The following GRM8 variants were observed in gnomAD, a reference collection of about 807,000 sequenced individuals.
The protein encoded by GRM8 is metabotropic glutamate receptor 8.
In GRM8, 47 loss-of-function variants were observed where a neutral mutation model predicts 87.2. That is an observed-to-expected ratio of 0.54 (90% CI 0.43 to 0.69). The LOEUF is 0.69. GRM8 is among the 30% of genes least tolerant of loss of function. The probability of loss-of-function intolerance (pLI) is 0.00; values close to 1 mark genes in which losing one functional copy is unlikely to be tolerated. For synonymous variants in GRM8, 396 were observed against 404.5 expected (o/e 0.98, Z 0.25); for missense variants, 1,019 against 1,139.2 (o/e 0.89, Z 1.52).
intron 9 of GRM8, among the ~76,000 whole-genome samples, chr7:126,496,486 A>G (rs1038535806): frequency 7.2e-5 from 11 of 151,962 alleles, no homozygotes; most frequent in Non-Finnish European, 1.2e-4. Flanking sequence ...GATTTTTTTG[A>G]GCCAAAGGTT....
Position 127,057,009 on chromosome 7 carries a change from G to C in GRM8, c.727+49487C>G, listed in dbSNP as rs538357767. The stretch of plus-strand genomic sequence containing the variant: ...ACTTCAGACTTTTCCAGTATTCTCT[G>C]GATTGTGAACTGACAAAGCTACATA... On this transcript the variant is annotated intron_variant, in intron 3 of 10. Transcript: ENST00000339582. Among the ~76,000 whole-genome samples the C allele has an allele frequency of 2.5e-3, 382 of 152,096 alleles. 4 individuals are homozygous for C. Among genetic ancestry groups the C allele is most frequent in the African/African-American group, 8.9e-3 (368 of 41,478 alleles).
rs947276833 is a variant in GRM8, at chr7:126,547,420, G to C, written c.1495-13533C>G. 2.6e-5 allele frequency among the ~76,000 whole-genome samples: 4 copies of C among 151,536 alleles called. No homozygotes were observed. In the East Asian group the frequency reaches 7.7e-4, roughly 29 times the overall value. On this transcript the variant is annotated intron_variant, in intron 8 of 10. Transcript: ENST00000339582. ...AAATTTCTATTAAAAAATTCAGAAA[G>C]CATAAAAGAATAAATTAACTATAAT...
intron 9 of GRM8, among the ~76,000 whole-genome samples, chr7:126,473,114 G>A (rs1273766680): frequency 1.3e-5 from 2 of 152,166 alleles, no homozygotes; most frequent in Admixed American, 6.5e-5. Context: ...CCCCACTGGG[G>A]CACTGCCTAG....
intron 2 of GRM8, among the ~76,000 whole-genome samples, chr7:127,121,620 C>G (rs1304509222): frequency 6.6e-6 from 1 of 152,052 alleles, no homozygotes; most frequent in African/African-American, 2.4e-5. Context: ...GCAGGCTGTA[C>G]AGGAAGGATG....
intron 2 of GRM8, among the ~76,000 whole-genome samples, chr7:127,138,441 T>C (rs2133255633): frequency 6.6e-6 from 1 of 152,232 alleles, no homozygotes; most frequent in Non-Finnish European, 1.5e-5. Flanking sequence ...CAAGAAATAC[T>C]GCTCCAGCCC....
At chr7:127,237,520 G>A (rs1046697237) in intron 2 of GRM8, among the ~76,000 whole-genome samples, 1 of 152,178 alleles carries the variant, frequency 6.6e-6, no homozygotes. Context: ...AACATAGCAG[G>A]GTAGGCGAAG....
rs139390448 is a variant in GRM8, at chr7:127,156,749, G to A, written c.511-50037C>T. 1.6e-3 allele frequency among the ~76,000 whole-genome samples: 248 copies of A among 152,144 alleles called. 2 individuals carry two copies. The highest frequency in any genetic ancestry group is 5.9e-3 in the African/African-American group (243 of 41,536). ...TCAGAACTAATGAAAACGAGAAATC[G>A]AGAAGTTAAAATAAGCAAAATAAAT... On this transcript the variant is annotated intron_variant, in intron 2 of 10. Coordinates refer to ENST00000339582, the MANE Select transcript of GRM8 (RefSeq NM_000845.3).
At chr7:126,792,686 G>A (rs1195300245) in intron 6 of GRM8, among the ~76,000 whole-genome samples, 4 of 152,166 alleles carry the variant, frequency 2.6e-5, no homozygotes, top group Non-Finnish European at 5.9e-5. Context: ...CAATGAAAGA[G>A]AAAAAGGCCT....
chr7:126,742,552 T>G (rs1386805229), intron 7 of GRM8, among the ~76,000 whole-genome samples: 3 of 151,920 alleles, frequency 2.0e-5, no homozygotes, highest in Non-Finnish European at 4.4e-5. Flanking sequence ...CTACGGAGCA[T>G]GGTGGCCAAC....
At chr7:126,690,079 T>C (rs939107642) in intron 7 of GRM8, among the ~76,000 whole-genome samples, 3 of 152,224 alleles carry the variant, frequency 2.0e-5, no homozygotes, top group Non-Finnish European at 2.9e-5. Context: ...GAGCTGGGAA[T>C]TGCTTCTGAT....
intron 7 of GRM8, among the ~76,000 whole-genome samples, chr7:126,639,803 T>A (rs1449127201): frequency 5.9e-5 from 9 of 152,232 alleles, no homozygotes; most frequent in East Asian, 1.9e-4. Flanking sequence ...AATAATTTTG[T>A]GTTCAGCAGA....
chr7:126,878,166 G>A (rs979359942), intron 6 of GRM8, among the ~76,000 whole-genome samples: 5 of 152,090 alleles, frequency 3.3e-5, no homozygotes, highest in South Asian at 2.1e-4. Context: ...CTAACGCTAG[G>A]CATGCTCCAT....
intron 3 of GRM8, among the ~76,000 whole-genome samples, chr7:126,917,864 C>G (rs184843637): frequency 1.3e-3 from 192 of 152,302 alleles, no homozygotes; most frequent in Middle Eastern, 6.8e-3. Flanking sequence ...ACAGAAATTT[C>G]ATTGACCGAC....
intron 8 of GRM8, among the ~76,000 whole-genome samples, chr7:126,591,181 A>G (rs1796636023): frequency 6.6e-6 from 1 of 152,158 alleles, no homozygotes. Flanking sequence ...AAGAGGTGGA[A>G]AAAGACATTC....
At chr7:126,509,516 T>A (rs1562898454) in intron 9 of GRM8, among the ~76,000 whole-genome samples, 1 of 151,972 alleles carries the variant, frequency 6.6e-6, no homozygotes, top group Non-Finnish European at 1.5e-5. Flanking sequence ...AGAAAGCACA[T>A]TAAAACAAAG....
At chr7:126,530,471 A>C (rs145243034) in intron 9 of GRM8, among the ~76,000 whole-genome samples, 1 of 152,236 alleles carries the variant, frequency 6.6e-6, no homozygotes. Context: ...TCATGAAGGC[A>C]TGGGCTGGGA....
chr7:126,641,634 G>A (rs1378784768), intron 7 of GRM8, among the ~76,000 whole-genome samples: 3 of 152,064 alleles, frequency 2.0e-5, no homozygotes, highest in African/African-American at 7.2e-5. Context: ...TCACATCCCT[G>A]ACAAGTAGGG....
intron 7 of GRM8, among the ~76,000 whole-genome samples, chr7:126,675,316 A>G (rs1401166599): frequency 6.6e-6 from 1 of 152,188 alleles, no homozygotes; most frequent in Non-Finnish European, 1.5e-5. Context: ...CCATATATTC[A>G]AAAAGAATTG....
intron 3 of GRM8, among the ~76,000 whole-genome samples, chr7:126,945,972 T>G (rs1586556310): frequency 6.6e-6 from 1 of 152,222 alleles, no homozygotes; most frequent in African/African-American, 2.4e-5. Flanking sequence ...TATGAACACA[T>G]ATTCATGTGT....
Sources: allele counts gnomAD v4.1 joint callset (sites outside exome capture counted in the v4.1 genomes callset), GRCh38; gene constraint gnomAD v4.1.1; transcripts MANE v1.5; gene names NCBI Gene and HGNC (gene_info 2026-07-23, HGNC 2026-07-21).